The following IMMP2L variants were observed in gnomAD, a reference collection of about 807,000 sequenced individuals.
IMMP2L encodes the protein inner mitochondrial membrane peptidase subunit 2, also known as mitochondrial inner membrane protease subunit 2.
In IMMP2L, 18 loss-of-function variants were observed where a neutral mutation model predicts 19.3. That is an observed-to-expected ratio of 0.93 (90% confidence interval 0.64 to 1.38). The LOEUF is 1.38. IMMP2L is among the 40% of genes most tolerant of loss of function. The pLI is 0.00. For missense variants in IMMP2L, 233 were observed against 218.2 expected (o/e 1.07, Z -0.43); for synonymous variants, 76 against 73.0 (o/e 1.04, Z -0.21).
At chr7:110,692,856 A>C (rs564661602) in intron 5 of IMMP2L, among the ~76,000 whole-genome samples, 1 of 152,280 alleles carries the variant, frequency 6.6e-6, no homozygotes, top group East Asian at 1.9e-4. Flanking sequence ...GAACACTAGT[A>C]ATCACTCTAT....
chr7:111,506,437 C>T (rs977115328), intron 2 of IMMP2L, among the ~76,000 whole-genome samples: 4 of 151,948 alleles, frequency 2.6e-5, no homozygotes, highest in Non-Finnish European at 5.9e-5. Flanking sequence ...TTGCCCTGTC[C>T]CCCAGGCTGC....
intron 3 of IMMP2L, among the ~76,000 whole-genome samples, chr7:110,989,620 G>A (rs113822434): frequency 0.044 from 6,506 of 149,282 alleles, 442 homozygotes; most frequent in African/African-American, 0.15. Flanking sequence ...GGCAATTCTC[G>A]TTTTTGAAAA....
chr7:111,406,788 C>G (rs1015379394), intron 3 of IMMP2L, among the ~76,000 whole-genome samples: 1 of 152,034 alleles, frequency 6.6e-6, no homozygotes, highest in Non-Finnish European at 1.5e-5. Flanking sequence ...CCCTAGAAAA[C>G]AGGCTCTAAG....
intron 5 of IMMP2L, among the ~76,000 whole-genome samples, chr7:110,816,879 T>C (rs1351322836): frequency 2.0e-5 from 3 of 152,152 alleles, no homozygotes; most frequent in African/African-American, 7.2e-5. Context: ...TGAGATGGGT[T>C]TCCTGAATAT....
At chr7:111,435,586 A>G (rs1837079981) in intron 3 of IMMP2L, among the ~76,000 whole-genome samples, 1 of 151,878 alleles carries the variant, frequency 6.6e-6, no homozygotes, top group East Asian at 1.9e-4. Context: ...AATGTTCACT[A>G]TTCAGGTGAT....
At chr7:110,981,306 C>T (rs1459186225) in intron 3 of IMMP2L, among the ~76,000 whole-genome samples, 1 of 151,812 alleles carries the variant, frequency 6.6e-6, no homozygotes, top group Non-Finnish European at 1.5e-5. Context: ...TGGCAATAGT[C>T]ACACTGTTAA....
intron 3 of IMMP2L, among the ~76,000 whole-genome samples, chr7:111,189,352 A>C (rs1317332795): frequency 7.2e-6 from 1 of 138,456 alleles, no homozygotes; most frequent in Non-Finnish European, 1.5e-5. Context: ...CAGTGCTTTC[A>C]TGTCACCCAC....
chr7:111,149,394 G>A (rs1364854761), intron 3 of IMMP2L, among the ~76,000 whole-genome samples: 1 of 152,116 alleles, frequency 6.6e-6, no homozygotes, highest in Non-Finnish European at 1.5e-5. Context: ...ACAACGTGGG[G>A]TTTAGGGGTG....
rs1240735334 is a variant in IMMP2L, at chr7:110,727,412, AAAT to A, written c.409-63694_409-63692del. ...TCTCTAAATAAATAAATAAATAAAT[AAAT>A]AAATATTAAAAATCCTCCAAGTTCA... On this transcript the variant is annotated intron_variant, in intron 5 of 5. Transcript: ENST00000405709. This position sits in a 1 kb window ranked among gnomAD's most constrained non-coding sequence, Gnocchi z 4.3. Among the ~76,000 whole-genome samples the A allele has an allele frequency of 0.016, 2,488 of 152,086 alleles. 82 individuals are homozygous for A. The highest frequency in any genetic ancestry group is 0.057 in the African/African-American group (2,353 of 41,482).
At chr7:111,554,951 G>T (rs1223403949) in intron 1 of IMMP2L, among the ~76,000 whole-genome samples, 6 of 152,048 alleles carry the variant, frequency 3.9e-5, no homozygotes, top group Admixed American at 3.3e-4. Context: ...TATGCTGGAG[G>T]TTGCAAATTT....
chr7:111,556,037 C>CATATATATATATATAGAT (rs1356609635), intron 1 of IMMP2L, among the ~76,000 whole-genome samples: 1 of 108,236 alleles, frequency 9.2e-6, no homozygotes, highest in Non-Finnish European at 1.8e-5. Context: ...TATATATATA[C>CATATATATATATATAGAT]ATACCCAAAG....
chr7:111,431,174 G>A (rs1259096015), intron 3 of IMMP2L, among the ~76,000 whole-genome samples: 3 of 151,866 alleles, frequency 2.0e-5, no homozygotes, highest in Admixed American at 2.0e-4. Context: ...TCAGTAATAG[G>A]TATCATACTT....
At chr7:111,366,443 A>C (rs1217238748) in intron 3 of IMMP2L, among the ~76,000 whole-genome samples, 1 of 151,946 alleles carries the variant, frequency 6.6e-6, no homozygotes, top group East Asian at 1.9e-4. Flanking sequence ...TAGATTAAAG[A>C]TTAAAAGAGA....
rs1814686859 is a variant in IMMP2L, at chr7:111,239,092, T to A, written c.239+248146A>T. 2.0e-5 allele frequency among the ~76,000 whole-genome samples: 3 copies of A among 151,950 alleles called. 1 individual carries two copies. The highest frequency in any genetic ancestry group is 1.3e-4 in the Admixed American group (2 of 15,230). ...TCTGAATAGGACATTGTTTTTGTTGTAACAGACCATCTTTCTCATATGTAA... is the reference window on the plus strand; with the variant it reads ...TCTGAATAGGACATTGTTTTTGTTGAAACAGACCATCTTTCTCATATGTAA... On this transcript the variant is annotated intron_variant, in intron 3 of 5. Transcript: ENST00000405709.
intron 3 of IMMP2L, among the ~76,000 whole-genome samples, chr7:111,402,898 C>T (rs1833558874): frequency 6.6e-6 from 1 of 151,246 alleles, no homozygotes; most frequent in African/African-American, 2.4e-5. Flanking sequence ...TGTCTATTTA[C>T]ATCTATTCTT....
At chr7:111,141,436 C>CTTT (rs368455196) in intron 3 of IMMP2L, among the ~76,000 whole-genome samples, 1 of 150,782 alleles carries the variant, frequency 6.6e-6, no homozygotes, top group African/African-American at 2.5e-5. Context: ...GGTTACATTT[C>CTTT]TTTCTTTTTT....
chr7:110,724,674 A>T (rs2130785518), intron 5 of IMMP2L: 1 of 152,278 alleles, frequency 6.6e-6, no homozygotes, highest in East Asian at 1.9e-4. Flanking sequence ...TTAGTAAAGA[A>T]AATGGCATTC....
At chr7:111,225,915 G>A (rs563715416) in intron 3 of IMMP2L, among the ~76,000 whole-genome samples, 1 of 152,150 alleles carries the variant, frequency 6.6e-6, no homozygotes, top group East Asian at 1.9e-4. Flanking sequence ...CCCTAACTGG[G>A]GATAAGCATC....
At chr7:111,388,681 G>C (rs1389786937) in intron 3 of IMMP2L, among the ~76,000 whole-genome samples, 1 of 152,030 alleles carries the variant, frequency 6.6e-6, no homozygotes, top group Non-Finnish European at 1.5e-5. Context: ...AGAGAAAAAT[G>C]AGGAGGAAGC....
Sources: gnomAD v4.1 joint callset for allele counts (sites outside exome capture counted in the v4.1 genomes callset) on GRCh38, gnomAD v4.1.1 for gene constraint, Gnocchi (gnomAD v3.1) non-coding constraint, MANE v1.5 for transcripts, NCBI Gene and HGNC (gene_info 2026-07-23, HGNC 2026-07-21) for gene names.